The following HAS3 variants were observed in gnomAD, a reference collection of about 807,000 sequenced individuals.
HAS3 encodes HA synthase 3.
HAS3 carries 27 observed loss-of-function variants against 50.3 expected under a neutral mutation model. That is an observed-to-expected ratio of 0.54 (90% CI 0.40 to 0.74). The LOEUF (loss-of-function observed/expected upper bound fraction) is 0.74, where lower values mean the gene tolerates loss of function less well. Among genes scored for constraint, HAS3 ranks in the 30% least tolerant of loss-of-function variants. The probability of loss-of-function intolerance (pLI) is 0.00; values close to 1 mark genes in which losing one functional copy is unlikely to be tolerated. For missense variants in HAS3, 517 were observed against 742.8 expected, an observed-to-expected ratio of 0.70 and a Z score of 3.53; for synonymous variants, 339 against 310.9, an observed-to-expected ratio of 1.09 and a Z score of -0.95.
Position 69,115,194 on chromosome 16 carries a change from A to G in HAS3, c.1590A>G (p.Leu530=), listed in dbSNP as rs2232232. 7,913 of 1,567,160 alleles carry G rather than the reference A, an allele frequency of 5.0e-3. 303 individuals are homozygous for G. In the African/African-American group the frequency reaches 0.09, roughly 18 times the overall value. ...GCTACTGGGTGGCCCTCCTCATGCT[A>G]TATCTGGCCATCATCGCCCGGCGAT... ...YGCYWVALLM[L]YLAIIARRCG... The change falls in exon 4 of 4, where the codon CTA becomes CTG. Residue 530 remains leucine, a synonymous_variant. Transcript: ENST00000569188.
At chr16:69,097,029 G>A in the HAS3 span, among the ~76,000 whole-genome samples, 4 of 152,074 alleles carry the variant, frequency 2.6e-5, no homozygotes, top group South Asian at 2.1e-4. Flanking sequence ...ATGGTGGCAC[G>A]TGGTCCCAGC....
downstream of HAS3, chr16:69,117,723 A>C (rs1362902747): frequency 2.3e-6 from 2 of 860,786 alleles, no homozygotes; most frequent in Non-Finnish European, 2.8e-6. Context: ...CCAAAGAGGG[A>C]CTTAAAATAG....
At position 69,117,003 on chromosome 16, in the gene HAS3, A is replaced by C. The variant is rs1961212503; in HGVS notation, c.*1737A>C. 1 of 985,428 alleles carries C rather than the reference A, an allele frequency of 1.0e-6. No homozygotes were observed. The highest frequency in any genetic ancestry group is 1.2e-6 in the Non-Finnish European group (1 of 829,916). 61.0% of individuals were successfully genotyped at this position (985,428 alleles called of 1,614,324 possible). On this transcript the variant is annotated 3_prime_UTR_variant, in exon 4 of 4. Transcript: ENST00000569188. ...CTTTCCTTCATCTCCCACGAACTCAAGGGTTTTCCAGGTGTAGCTAACAGT... is the reference window on the plus strand; with the variant it reads ...CTTTCCTTCATCTCCCACGAACTCACGGGTTTTCCAGGTGTAGCTAACAGT...
At chr16:69,098,654 C>A in the HAS3 span, among the ~76,000 whole-genome samples, 3 of 144,478 alleles carry the variant, frequency 2.1e-5, no homozygotes, top group Non-Finnish European at 4.5e-5. Flanking sequence ...AATATATTAT[C>A]AAACCTGATT....
chr16:69,083,535 G>C, the HAS3 span: 16 of 1,612,482 alleles, frequency 9.9e-6, no homozygotes, highest in Non-Finnish European at 1.4e-5. Flanking sequence ...AGCACGTAGT[G>C]TGTCTGGAGC....
At chr16:69,090,423 T>G in the HAS3 span, among the ~76,000 whole-genome samples, 2 of 152,048 alleles carry the variant, frequency 1.3e-5, no homozygotes, top group South Asian at 4.1e-4. Context: ...TGGCACTTTT[T>G]TTTTGGAGAC....
At chr16:69,104,259 GTT>G (rs544314357), upstream of HAS3, among the ~76,000 whole-genome samples, 1 of 127,100 alleles carries the variant, frequency 7.9e-6, no homozygotes, top group African/African-American at 2.8e-5. Flanking sequence ...CCTGGCTAAT[GTT>G]TTTTTTTTTT....
Position 69,115,379 on chromosome 16 carries a change from G to A in HAS3, c.*113G>A. 2 of 1,412,050 alleles carry A rather than the reference G, an allele frequency of 1.4e-6. No individual in the cohort carries two copies. Among genetic ancestry groups the A allele is most frequent in the Non-Finnish European group, 9.2e-7 (1 of 1,087,746 alleles). 87.5% of individuals were successfully genotyped at this position (1,412,050 alleles called of 1,614,324 possible). On this transcript the variant is annotated 3_prime_UTR_variant, in exon 4 of 4. Coordinates refer to ENST00000569188, the MANE Select transcript of HAS3 (RefSeq NM_001199280.2). ...GAGTGCTGTGTTTTAGTCTCTTAATGGTCCAAAGGACAAATCTAAAATGCA... is the reference window on the plus strand; with the variant it reads ...GAGTGCTGTGTTTTAGTCTCTTAATAGTCCAAAGGACAAATCTAAAATGCA...
chr16:69,113,620 G>T, intron 3 of HAS3, 78 bp downstream of exon 3: 1 of 866,202 alleles, frequency 1.2e-6, no homozygotes, highest in Non-Finnish European at 1.9e-6. Context: ...CCTGGGAAAT[G>T]GGTGTCTTGA....
chr16:69,100,743 G>C (rs567288548), upstream of HAS3, among the ~76,000 whole-genome samples: 1 of 152,290 alleles, frequency 6.6e-6, no homozygotes, highest in African/African-American at 2.4e-5. Flanking sequence ...TGAGCATTTC[G>C]TGAGTTTGGA....
chr16:69,095,282 G>A, the HAS3 span, among the ~76,000 whole-genome samples: 3 of 152,128 alleles, frequency 2.0e-5, no homozygotes, highest in African/African-American at 4.8e-5. Flanking sequence ...ACTGCACCCA[G>A]CCCATTGTGA....
chr16:69,115,217 G>C lies in HAS3; in HGVS notation c.1613G>C (p.Arg538Pro), dbSNP rs534959741. ...CTATATCTGGCCATCATCGCCCGGC[G>C]ATGTGGGAAGAAGCCGGAGCAGTAC... ...LMLYLAIIAR[R>P]CGKKPEQYSL... The change falls in exon 4 of 4, where the codon CGA becomes CCA. Residue 538 changes from arginine to proline, a missense_variant. By Grantham distance (103) the Arg-to-Pro change is moderately radical. Transcript: ENST00000569188. The C allele has an allele frequency of 5.5e-5, 85 of 1,546,268 alleles. No homozygotes were observed. The highest frequency in any genetic ancestry group is 7.3e-5 in the Non-Finnish European group (84 of 1,147,620).
At chr16:69,090,359 C>A in the HAS3 span, among the ~76,000 whole-genome samples, 1 of 152,154 alleles carries the variant, frequency 6.6e-6, no homozygotes, top group South Asian at 2.1e-4. Context: ...TCAGATGATA[C>A]GTGATGTGAC....
At chr16:69,092,266 C>T in the HAS3 span, among the ~76,000 whole-genome samples, 6 of 152,158 alleles carry the variant, frequency 3.9e-5, no homozygotes, top group Non-Finnish European at 8.8e-5. Context: ...TACATAGATA[C>T]TGTATTTCCA....
chr16:69,115,502 G>A lies in HAS3; in HGVS notation c.*236G>A. ...GCAGGGGATTCTGTGTTTTCAGACT[G>A]CCTGTCTGCTTGCATCTGCACATAG... On this transcript the variant is annotated 3_prime_UTR_variant, in exon 4 of 4. Coordinates refer to ENST00000569188, the MANE Select transcript of HAS3 (RefSeq NM_001199280.2). 8.0e-7 allele frequency: 1 copy of A among 1,243,506 alleles called. No individual in the cohort carries two copies. The highest frequency in any genetic ancestry group is 3.2e-5 in the East Asian group (1 of 31,526). The allele number at this position is 1,243,506 out of a possible 1,614,324, so 77.0% of individuals were successfully genotyped here.
At chr16:69,094,311 A>G in the HAS3 span, among the ~76,000 whole-genome samples, 2 of 151,934 alleles carry the variant, frequency 1.3e-5, no homozygotes, top group Non-Finnish European at 2.9e-5. Context: ...CCTGCTCTGC[A>G]CTCCCAGAGT....
chr16:69,110,214 G>A (rs1056868248), intron 2 of HAS3, among the ~76,000 whole-genome samples, 183 bp downstream of exon 2: 1 of 152,202 alleles, frequency 6.6e-6, no homozygotes, highest in Non-Finnish European at 1.5e-5. Flanking sequence ...CACTTTGGGG[G>A]GCCGAGGCGG....
At chr16:69,097,093 A>G in the HAS3 span, among the ~76,000 whole-genome samples, 2 of 152,096 alleles carry the variant, frequency 1.3e-5, no homozygotes, top group African/African-American at 2.4e-5. Flanking sequence ...TTGAGGCTGC[A>G]GTGAGCCGTG....
At chr16:69,099,335 T>G in the HAS3 span, among the ~76,000 whole-genome samples, 1 of 148,564 alleles carries the variant, frequency 6.7e-6, no homozygotes, top group African/African-American at 2.5e-5. Flanking sequence ...TGCCTTTAAT[T>G]CATTTTTTTT....
Sources: gnomAD v4.1 joint callset for allele counts (sites outside exome capture counted in the v4.1 genomes callset) on GRCh38, gnomAD v4.1.1 for gene constraint, MANE v1.5 for transcripts, NCBI Gene and HGNC (gene_info 2026-07-23, HGNC 2026-07-21) for gene names.